Variants in CRY1 observed in about 807,000 individuals in gnomAD.
CRY1 encodes the protein cryptochrome-1.
A neutral mutation model predicts 76.0 loss-of-function variants in CRY1; 45 were observed. The observed-to-expected ratio is 0.59, with a 90% CI of 0.47 to 0.76. The LOEUF (loss-of-function observed/expected upper bound fraction) is 0.76, where lower values mean the gene tolerates loss of function less well. Ranked by LOEUF, CRY1 falls within the 30% of genes least tolerant of loss-of-function variation. The pLI, the probability that CRY1 is intolerant of heterozygous loss-of-function variation, is 0.00. For synonymous variants in CRY1, 248 were observed against 244.0 expected (o/e 1.02, Z -0.15); for missense variants, 587 against 716.4 (o/e 0.82, Z 2.06).
At chr12:107,005,918 T>TA (rs1952368983) in intron 2 of CRY1, among the ~76,000 whole-genome samples, 1 of 152,194 alleles carries the variant, frequency 6.6e-6, no homozygotes, top group African/African-American at 2.4e-5. Context: ...AACTGTGACT[T>TA]AAAGGAATTG....
intron 1 of CRY1, among the ~76,000 whole-genome samples, chr12:107,071,615 C>T (rs1018699673): frequency 3.3e-5 from 5 of 151,908 alleles, no homozygotes; most frequent in African/African-American, 9.7e-5. Flanking sequence ...AACTCTTTGA[C>T]AATATTCTTT....
intron 2 of CRY1, among the ~76,000 whole-genome samples, chr12:107,006,082 G>A (rs538988817): frequency 3.9e-5 from 6 of 152,128 alleles, no homozygotes; most frequent in African/African-American, 1.2e-4. Context: ...CCAATGGTGG[G>A]TTTAAAAAAA....
At chr12:107,043,447 T>C (rs955641746) in intron 1 of CRY1, among the ~76,000 whole-genome samples, 38 of 152,000 alleles carry the variant, frequency 2.5e-4, no homozygotes, top group Non-Finnish European at 5.0e-4. Flanking sequence ...ATAATCACAC[T>C]CTACCAAGCT....
chr12:106,992,866 A>T lies in CRY1; in HGVS notation c.1682T>A (p.Leu561His). 1 of 1,614,074 alleles carries T rather than the reference A, an allele frequency of 6.2e-7. No homozygotes were observed. The highest frequency in any genetic ancestry group is 8.5e-7 in the Non-Finnish European group (1 of 1,179,946). The change falls in exon 12 of 13, where the codon CTC (leucine) becomes CAC (histidine). Residue 561 changes from leucine (L) to histidine (H), a missense_variant. By Grantham distance (99) the Leu-to-His change is moderately conservative (BLOSUM62 -3). Transcript: ENST00000008527. ...KQGRSSMGTG[L>H]SGGKRPSQEE... ...CTGACTAGGACGTTTCCCACCACTG[A>T]GACCAGTGCCCATGGAGCTTCTTCC...
At chr12:107,061,236 T>C (rs1386651597) in intron 1 of CRY1, among the ~76,000 whole-genome samples, 2 of 152,100 alleles carry the variant, frequency 1.3e-5, no homozygotes, top group African/African-American at 4.8e-5. Flanking sequence ...TCTACCACAA[T>C]ATTTTACCAG....
rs148619638 is a variant in CRY1 at position 107,074,477 on chromosome 12, G to C, written c.158+18327C>G. Among the ~76,000 whole-genome samples, 1,165 of 152,260 alleles carry C rather than the reference G, an allele frequency of 7.7e-3. 5 individuals are homozygous for C. Among genetic ancestry groups the C allele is most frequent in the Non-Finnish European group, 0.013 (915 of 67,998 alleles). On this transcript the variant is annotated intron_variant, in intron 1 of 12. Transcript: ENST00000008527. ...AAGATAAAAATGGCAAAAGTAACCA[G>C]AGTCAATAGAATTCTCTTTTTTTTA...
At chr12:107,090,877 C>T (rs1192007170) in intron 1 of CRY1, among the ~76,000 whole-genome samples, 1 of 151,506 alleles carries the variant, frequency 6.6e-6, no homozygotes, top group Non-Finnish European at 1.5e-5. Context: ...AAAGAGAACT[C>T]CAATCACCCT....
intron 1 of CRY1, among the ~76,000 whole-genome samples, chr12:107,068,904 T>C (rs1180425300): frequency 6.6e-6 from 1 of 152,238 alleles, no homozygotes; most frequent in East Asian, 1.9e-4. Context: ...TGTTGTAGTA[T>C]CTCATTTCTT....
intron 1 of CRY1, among the ~76,000 whole-genome samples, chr12:107,037,123 G>A (rs1333782485): frequency 6.6e-6 from 1 of 152,022 alleles, no homozygotes; most frequent in Non-Finnish European, 1.5e-5. Context: ...CACCTAAGGG[G>A]GTAAATGACC....
intron 1 of CRY1, among the ~76,000 whole-genome samples, chr12:107,074,484 T>C (rs971794148): frequency 2.0e-5 from 3 of 152,182 alleles, no homozygotes; most frequent in Non-Finnish European, 2.9e-5. Flanking sequence ...CCAGAGTCAA[T>C]AGAATTCTCT....
At chr12:107,001,986 A>G in intron 3 of CRY1, 38 bp from the exon 4 acceptor site, 1 of 1,516,132 alleles carries the variant, frequency 6.6e-7, no homozygotes, top group South Asian at 1.3e-5. Flanking sequence ...TAGTATTAAA[A>G]AAGACAATAC....
intron 1 of CRY1, among the ~76,000 whole-genome samples, chr12:107,092,521 C>G (rs1555203967): frequency 6.6e-6 from 1 of 152,184 alleles, no homozygotes; most frequent in Non-Finnish European, 1.5e-5. Flanking sequence ...GTTTCTTTAA[C>G]TCCAGCACTA....
chr12:106,999,736 T>C lies in CRY1; in HGVS notation c.952A>G (p.Ile318Val). 1 of 1,614,226 alleles carries C rather than the reference T, an allele frequency of 6.2e-7. No individual in the cohort carries two copies. The highest frequency in any genetic ancestry group is 1.1e-5 in the South Asian group (1 of 91,090). The change falls in exon 7 of 13, where the codon ATT becomes GTT. Residue 318 changes from isoleucine (I) to valine (V), a missense_variant. Transcript: ENST00000008527. ...GCCTCAGGATTTTTATCCCAAGGAATCTGAACACAGATAGGGTTTCCTTCC... is the reference window on the plus strand; with the variant it reads ...GCCTCAGGATTTTTATCCCAAGGAACCTGAACACAGATAGGGTTTCCTTCC... ...KMEGNPICVQ[I>V]PWDKNPEALA...
In CRY1 at chr12:107,004,967, G is replaced by A. The variant is rs1952353367; in HGVS notation, c.410+139C>T. ...TCTCCCATAACTCTGTGAAGTACATGTTATTTCTACTTTATAAACCTCAGT... is the reference window on the plus strand; with the variant it reads ...TCTCCCATAACTCTGTGAAGTACATATTATTTCTACTTTATAAACCTCAGT... On this transcript the variant is annotated intron_variant, in intron 3 of 12. Transcript: ENST00000008527. 2.6e-5 allele frequency: 18 copies of A among 697,684 alleles called. No homozygotes were observed. The South Asian group carries it at 4.3e-4, about 17-fold the overall frequency. 43.2% of individuals were successfully genotyped at this position (697,684 alleles called of 1,614,324 possible).
Position 106,993,072 on chromosome 12 carries a change from A to G in CRY1, c.1586-36T>C, listed in dbSNP as rs115090238. 5.1e-5 allele frequency: 81 copies of G among 1,600,268 alleles called. No homozygotes were observed. In the African/African-American group the frequency reaches 9.5e-4, roughly 19 times the overall value. On this transcript the variant is annotated intron_variant, in intron 10 of 12. Coordinates refer to ENST00000008527, the MANE Select transcript of CRY1 (RefSeq NM_004075.5). ...TTAAAACACAGTAAAATTACTTAAA[A>G]TCAAATCCAAGATGTATGTATTATT...
intron 1 of CRY1, among the ~76,000 whole-genome samples, chr12:107,032,431 T>G (rs1342198684): frequency 6.6e-6 from 1 of 151,978 alleles, no homozygotes; most frequent in Non-Finnish European, 1.5e-5. Context: ...ATGGAAACTA[T>G]GTGGTCCCAA....
At chr12:107,023,520 C>T (rs1952579380) in intron 1 of CRY1, among the ~76,000 whole-genome samples, 1 of 152,190 alleles carries the variant, frequency 6.6e-6, no homozygotes, top group African/African-American at 2.4e-5. Context: ...TTTACACATT[C>T]CGATACCATC....
At position 107,001,259 on chromosome 12, in the gene CRY1, ATATAATCTACAT is replaced by A. The variant is rs758182561; in HGVS notation, c.684+9_684+20del. 1.3e-6 allele frequency: 2 copies of A among 1,561,940 alleles called. No individual in the cohort carries two copies. Among genetic ancestry groups the A allele is most frequent in the East Asian group, 4.5e-5 (2 of 44,610 alleles). On this transcript the variant is annotated intron_variant, in intron 5 of 12. Transcript: ENST00000008527. ...GCAGTTTGGAAATACAAGCATAGCT[ATATAATCTACAT>A]TATCATACTTTTCTTTCCAAATGCC...
intron 1 of CRY1, among the ~76,000 whole-genome samples, chr12:107,088,667 G>T (rs1056752990): frequency 2.0e-5 from 3 of 152,156 alleles, no homozygotes; most frequent in Non-Finnish European, 4.4e-5. Flanking sequence ...TAGTCTAAAG[G>T]TATTTTGTTA....
Sources: gnomAD v4.1 joint callset for allele counts (sites outside exome capture counted in the v4.1 genomes callset) on GRCh38, gnomAD v4.1.1 for gene constraint, MANE v1.5 for transcripts, NCBI Gene and HGNC (gene_info 2026-07-23, HGNC 2026-07-21) for gene names.